The following HYDIN variants were observed in gnomAD, a reference collection of about 807,000 sequenced individuals.
HYDIN encodes the protein axonemal central pair apparatus protein HYDIN.
In HYDIN, 132 loss-of-function variants were observed where a neutral mutation model predicts 403.9. The observed-to-expected ratio is 0.33, with a 90% CI of 0.28 to 0.38. HYDIN has a LOEUF of 0.38. Among genes scored for constraint, HYDIN ranks in the 10% least tolerant of loss-of-function variants. The pLI, the probability that HYDIN is intolerant of heterozygous loss-of-function variation, is 1.00. For missense variants in HYDIN, 2,827 were observed against 5,009.5 expected, an observed-to-expected ratio of 0.56 and a Z score of 13.15; for synonymous variants, 1,202 against 1,891.7, an observed-to-expected ratio of 0.64 and a Z score of 9.46.
chr16:71,092,345 T>A (rs2144376539), intron 11 of HYDIN, among the ~76,000 whole-genome samples: 1 of 152,310 alleles, frequency 6.6e-6, no homozygotes, highest in South Asian at 2.1e-4. Context: ...TTCCAGCTTC[T>A]CTGCTGGAAG....
At chr16:71,189,138 C>T (rs2087295280) in intron 1 of HYDIN, among the ~76,000 whole-genome samples, 1 of 152,156 alleles carries the variant, frequency 6.6e-6, no homozygotes, top group Non-Finnish European at 1.5e-5. Flanking sequence ...TATGCATGTA[C>T]ATCTGACTCA....
chr16:70,896,119 C>T (rs775033242), intron 53 of HYDIN, 39 bp from the exon 54 acceptor site: 68 of 1,610,056 alleles, frequency 4.2e-5, no homozygotes, highest in Non-Finnish European at 4.9e-5. Flanking sequence ...AAAGCAAGAC[C>T]TATAGGTGCT....
chr16:71,053,833 CAT>C (rs781746092), intron 18 of HYDIN, among the ~76,000 whole-genome samples: 34 of 152,260 alleles, frequency 2.2e-4, no homozygotes, highest in African/African-American at 5.1e-4. Context: ...GAAAGATTAA[CAT>C]GTGTTAATTT....
intron 53 of HYDIN, among the ~76,000 whole-genome samples, chr16:70,900,643 AGG>A (rs1408054956): frequency 6.7e-6 from 1 of 149,098 alleles, no homozygotes. Context: ...GGAATCCGAT[AGG>A]TGACTGGGTT....
chr16:71,205,721 T>A (rs1055335811), intron 1 of HYDIN, among the ~76,000 whole-genome samples: 1 of 152,214 alleles, frequency 6.6e-6, no homozygotes, highest in Non-Finnish European at 1.5e-5. Flanking sequence ...TATGCAACAC[T>A]TGCTGGAGCC....
intron 9 of HYDIN, among the ~76,000 whole-genome samples, chr16:71,126,096 C>T (rs1405842699): frequency 1.3e-5 from 2 of 152,150 alleles, no homozygotes; most frequent in Non-Finnish European, 2.9e-5. Context: ...TATTTGACCA[C>T]AGAACTCCCT....
At chr16:70,859,025 G>A (rs2143609998) in intron 71 of HYDIN, among the ~76,000 whole-genome samples, 1 of 151,956 alleles carries the variant, frequency 6.6e-6, no homozygotes, top group Non-Finnish European at 1.5e-5. Context: ...ATTTTGGTCA[G>A]GCGCAGTGGC....
intron 75 of HYDIN, among the ~76,000 whole-genome samples, chr16:70,849,460 T>A (rs2038465001): frequency 1.3e-5 from 2 of 152,210 alleles, no homozygotes; most frequent in South Asian, 4.1e-4. Context: ...TTGTACATAT[T>A]CTTTCCCTGC....
Position 70,831,184 on chromosome 16 carries a change from A to G in HYDIN, c.13900-1354T>C, listed in dbSNP as rs183940826. Among the ~76,000 whole-genome samples, 3 of 151,832 alleles carry G rather than the reference A, an allele frequency of 2.0e-5. No individual in the cohort carries two copies. In the East Asian group the frequency reaches 5.9e-4, roughly 30 times the overall value. Reference sequence around the variant, plus strand: ...TGTAGACGAAAGAAGGAATCTAAGGACTAGTTCTTGACTGACAAACTCCAA... The same window carrying G: ...TGTAGACGAAAGAAGGAATCTAAGGGCTAGTTCTTGACTGACAAACTCCAA... On this transcript the variant is annotated intron_variant, in intron 80 of 85. Transcript: ENST00000393567.
At chr16:70,838,880 C>T (rs1228056352) in intron 76 of HYDIN, among the ~76,000 whole-genome samples, 2 of 123,968 alleles carry the variant, frequency 1.6e-5, no homozygotes, top group African/African-American at 3.5e-5. Context: ...AGATCATGTC[C>T]ACCCTACTCC....
At chr16:70,851,364 T>G (rs2038642333) in intron 73 of HYDIN, among the ~76,000 whole-genome samples, 1 of 151,658 alleles carries the variant, frequency 6.6e-6, no homozygotes, top group Non-Finnish European at 1.5e-5. Context: ...CTAAAGAACT[T>G]AAACAATTGA....
chr16:71,005,139 A>G (rs2502680), intron 23 of HYDIN, among the ~76,000 whole-genome samples: 272 of 136,156 alleles, frequency 2.0e-3, no homozygotes, highest in African/African-American at 4.5e-3. Context: ...GTAGCATGGG[A>G]CCAGAAGATT....
chr16:70,841,791 G>A (rs2037845329), intron 75 of HYDIN, among the ~76,000 whole-genome samples: 1 of 151,550 alleles, frequency 6.6e-6, no homozygotes, highest in Admixed American at 6.6e-5. Flanking sequence ...GCCATGTTAC[G>A]ATGCAGCCAT....
rs558309444 is a variant in HYDIN at position 70,805,894 on chromosome 16, TA to T, written c.*1685del. ...CCAGAAATAAAAAATTCATACTTTT[TA>T]AATGGCATGCTGTTCTGAATAACTT... On this transcript the variant is annotated 3_prime_UTR_variant, in exon 86 of 86. Transcript: ENST00000393567. Among the ~76,000 whole-genome samples, 40 of 152,346 alleles carry T rather than the reference TA, an allele frequency of 2.6e-4. No homozygotes were observed. The highest frequency in any genetic ancestry group is 1.6e-3 in the Admixed American group (25 of 15,302).
rs148250219 is a variant in HYDIN, at chr16:71,172,662, T to C, written c.516+2945A>G. ...ATGATGGGCGGGAGGGAAATGTAAA[T>C]TGCATTATCATCTTCGACATGCTAA... On this transcript the variant is annotated intron_variant, in intron 5 of 85. Transcript: ENST00000393567. Among the ~76,000 whole-genome samples, 299 of 152,262 alleles carry C rather than the reference T, an allele frequency of 2.0e-3. 5 individuals carry two copies. Among genetic ancestry groups the C allele is most frequent in the African/African-American group, 6.8e-3 (281 of 41,546 alleles).
chr16:71,033,997 G>A (rs2081003031), intron 18 of HYDIN, among the ~76,000 whole-genome samples: 1 of 152,072 alleles, frequency 6.6e-6, no homozygotes, highest in Non-Finnish European at 1.5e-5. Flanking sequence ...ATAACGGAGA[G>A]GAAAAGCCAC....
chr16:70,926,257 G>T (rs11075821), intron 45 of HYDIN, among the ~76,000 whole-genome samples: 2 of 152,094 alleles, frequency 1.3e-5, no homozygotes, highest in Non-Finnish European at 1.5e-5. Context: ...GTGGCACATA[G>T]ACACCATGGA....
At chr16:71,196,801 C>T (rs2087718468) in intron 1 of HYDIN, among the ~76,000 whole-genome samples, 1 of 152,188 alleles carries the variant, frequency 6.6e-6, no homozygotes, top group Admixed American at 6.5e-5. Flanking sequence ...GTTGTCCTCA[C>T]TGCTACACTT....
intron 38 of HYDIN, among the ~76,000 whole-genome samples, chr16:70,960,715 T>C (rs1239557297): frequency 6.6e-6 from 1 of 152,254 alleles, no homozygotes; most frequent in Non-Finnish European, 1.5e-5. Flanking sequence ...TTTCTTGAGA[T>C]GGCATCTCGC....
Sources: allele counts gnomAD v4.1 joint callset (sites outside exome capture counted in the v4.1 genomes callset), GRCh38; gene constraint gnomAD v4.1.1; transcripts MANE v1.5; gene names NCBI Gene and HGNC (gene_info 2026-07-23, HGNC 2026-07-21).